The following FAM83E variants were observed in gnomAD, a reference collection of about 807,000 sequenced individuals.
The protein encoded by FAM83E is scaffolding CK1 anchoring protein E.
FAM83E carries 29 observed loss-of-function variants against 34.3 expected under a neutral mutation model. That is an observed-to-expected ratio of 0.85 (90% CI 0.63 to 1.15). The LOEUF is 1.15. FAM83E is among the 50% of genes most tolerant of loss of function. The probability of loss-of-function intolerance (pLI) is 0.00; values close to 1 mark genes in which losing one functional copy is unlikely to be tolerated. For synonymous variants in FAM83E, 312 were observed against 311.6 expected (o/e 1.00, Z -0.01); for missense variants, 697 against 685.0 (o/e 1.02, Z -0.20).
rs202196099 is a variant in FAM83E, at chr19:48,609,958, G to T, written c.676C>A (p.Arg226Ser). 2 of 1,612,982 alleles carry T rather than the reference G, an allele frequency of 1.2e-6. No individual in the cohort carries two copies. Among genetic ancestry groups the T allele is most frequent in the African/African-American group, 1.3e-5 (1 of 74,924 alleles). The change falls in exon 5 of 7, where the codon CGC becomes AGC. Residue 226 changes from arginine to serine, a missense_variant. By Grantham distance (110) the Arg-to-Ser change is moderately radical. Transcript: ENST00000263266. ...GTGCCGCTCACCTGCCGTCGCCAGC[G>T]GCTCTGGAAGCTGCAGCCCCGCACG... Reference protein sequence around the residue: ...RVVRGCSFQSRWRRQVSGTVR... With the variant: ...RVVRGCSFQSSWRRQVSGTVR...
At position 48,610,007 on chromosome 19, in the gene FAM83E, G is replaced by A; in HGVS notation, c.634-7C>T. 1.2e-6 allele frequency: 2 copies of A among 1,610,358 alleles called. No homozygotes were observed. Among genetic ancestry groups the A allele is most frequent in the Non-Finnish European group, 1.7e-6 (2 of 1,179,876 alleles). Reference sequence around the variant, plus strand: ...CGACACGGACATCCACGTTCTGTTGGTGTGGGGAGTGGAGGGTACACCCTT... The same window carrying A: ...CGACACGGACATCCACGTTCTGTTGATGTGGGGAGTGGAGGGTACACCCTT... On this transcript the variant is annotated splice_region_variant and splice_polypyrimidine_tract_variant and intron_variant, in intron 4 of 6. Coordinates refer to ENST00000263266, the MANE Select transcript of FAM83E (RefSeq NM_017708.4).
intron 3 of FAM83E, among the ~76,000 whole-genome samples, chr19:48,611,820 G>A (rs371407976): frequency 9.9e-5 from 15 of 152,142 alleles, no homozygotes; most frequent in Non-Finnish European, 1.8e-4. Context: ...GCGACACTGC[G>A]GTACCCAAAT....
At position 48,612,775 on chromosome 19, in the gene FAM83E, A is replaced by G. The variant is rs1974066542; in HGVS notation, c.465+133T>C. 6.7e-6 allele frequency: 7 copies of G among 1,038,870 alleles called. No homozygotes were observed. The Admixed American group carries it at 1.8e-4, about 26-fold the overall frequency. 64.4% of individuals were successfully genotyped at this position (1,038,870 alleles called of 1,614,324 possible). On this transcript the variant is annotated intron_variant, in intron 3 of 6. Transcript: ENST00000263266. Reference sequence around the variant, plus strand: ...TGAGTCCTGGGGCTGGAAGGTGTGCACTCCTGGGTCCCAGGGGTATAGGTC... The same window carrying G: ...TGAGTCCTGGGGCTGGAAGGTGTGCGCTCCTGGGTCCCAGGGGTATAGGTC...
chr19:48,610,796 A>C lies in FAM83E; in HGVS notation c.517T>G (p.Leu173Val), dbSNP rs552571094. 9.1e-5 allele frequency: 145 copies of C among 1,593,022 alleles called. 1 individual carries two copies. The South Asian group carries it at 1.5e-3, about 17-fold the overall frequency. ...VFTDPDLLLD[L>V]VDAATRRWVP... Reference sequence around the variant, plus strand: ...CAGCGGCGCGTGGCAGCATCCACCAAGTCCAAAAGCAGGTCTGGGTCAGTG... The same window carrying C: ...CAGCGGCGCGTGGCAGCATCCACCACGTCCAAAAGCAGGTCTGGGTCAGTG... The change falls in exon 4 of 7, where the codon TTG becomes GTG. Residue 173 changes from leucine (L) to valine (V), a missense_variant. Physicochemically the swap from Leu to Val is conservative, Grantham distance 32. Transcript: ENST00000263266.
At chr19:48,608,055 T>C (rs1463347458) in intron 5 of FAM83E, among the ~76,000 whole-genome samples, 1 of 152,224 alleles carries the variant, frequency 6.6e-6, no homozygotes, top group Non-Finnish European at 1.5e-5. Flanking sequence ...ATGCAGATTC[T>C]CAGGTCCTGT....
chr19:48,614,521 C>T lies in FAM83E; in HGVS notation c.-1149G>A, dbSNP rs1272833599. 3.0e-6 allele frequency: 3 copies of T among 985,558 alleles called. No individual in the cohort carries two copies. Among genetic ancestry groups the T allele is most frequent in the Admixed American group, 6.1e-5 (1 of 16,266 alleles). The allele number at this position is 985,558 out of a possible 1,614,324, so 61.1% of individuals were successfully genotyped here. A position where few individuals can be genotyped will look rare whatever the true frequency, so the allele number is the denominator to read the frequency against. On this transcript the variant is annotated 5_prime_UTR_variant, in exon 3 of 7. Coordinates refer to ENST00000263266, the MANE Select transcript of FAM83E (RefSeq NM_017708.4). ...AGCCTCAGTTATCCCCTTGAGGCTC[C>T]TGACCCAACCTCGGGGACCCTGGAC...
At chr19:48,603,063 A>G (rs2147639267) in intron 6 of FAM83E, among the ~76,000 whole-genome samples, 1 of 151,800 alleles carries the variant, frequency 6.6e-6, no homozygotes, top group Non-Finnish European at 1.5e-5. Flanking sequence ...TATGCTGGCC[A>G]GGCTGGTCTC....
At position 48,601,199 on chromosome 19, in the gene FAM83E, G is replaced by C. The variant is rs374545212; in HGVS notation, c.1347C>G (p.Phe449Leu). The C allele has an allele frequency of 1.9e-6, 3 of 1,612,166 alleles. No individual in the cohort carries two copies. Among genetic ancestry groups the C allele is most frequent in the Middle Eastern group, 1.6e-4 (1 of 6,076 alleles). ...GAAGTTTGAATGTAGCATCCCCACC[G>C]AACCGCCTTCGGGCTGGGGACAGAT... ...LRYLSPARRR[F>L]GGDATFKLQE... Residue 449 changes from phenylalanine (F) to leucine (L), a missense_variant, in exon 7 of 7, where the codon TTC (phenylalanine) becomes TTG (leucine). Physicochemically the swap from Phe to Leu is conservative, Grantham distance 22. Coordinates refer to ENST00000263266, the MANE Select transcript of FAM83E (RefSeq NM_017708.4).
intron 6 of FAM83E, among the ~76,000 whole-genome samples, chr19:48,601,850 G>A (rs1356889458): frequency 1.3e-5 from 2 of 148,286 alleles, no homozygotes; most frequent in African/African-American, 5.0e-5. Flanking sequence ...GAGGAGAGAG[G>A]GAGGAGAGAG....
At position 48,614,273 on chromosome 19, in the gene FAM83E, C is replaced by T. The variant is rs908451177; in HGVS notation, c.-901G>A. On this transcript the variant is annotated 5_prime_UTR_variant, in exon 3 of 7. Transcript: ENST00000263266. ...GGGACAGGTCTATGATCTTCACAGC[C>T]CATCTAGGTGTGAGTGCCACCTAAC... is the stretch of plus-strand genomic sequence containing the variant. The T allele has an allele frequency of 6.1e-6, 6 of 985,434 alleles. No individual in the cohort carries two copies. The highest frequency in any genetic ancestry group is 6.2e-5 in the Admixed American group (1 of 16,260). 61.0% of individuals were successfully genotyped at this position (985,434 alleles called of 1,614,324 possible).
At chr19:48,611,491 G>A (rs1257038503) in intron 3 of FAM83E, among the ~76,000 whole-genome samples, 1 of 150,078 alleles carries the variant, frequency 6.7e-6, no homozygotes, top group Non-Finnish European at 1.5e-5. Context: ...TTTAAAAGAC[G>A]AAGTCTTGCT....
chr19:48,609,774 A>C, intron 5 of FAM83E, 102 bp downstream of exon 5: 1 of 1,342,514 alleles, frequency 7.4e-7, no homozygotes, highest in Non-Finnish European at 1.0e-6. Context: ...ACAGATGAGA[A>C]AAGAGAGGCC....
intron 5 of FAM83E, among the ~76,000 whole-genome samples, chr19:48,609,484 T>A (rs1347184827): frequency 6.6e-6 from 1 of 152,032 alleles, no homozygotes; most frequent in African/African-American, 2.4e-5. Flanking sequence ...CGCCTCAGCC[T>A]CTCAAAGTGC....
chr19:48,614,648 T>C, intron 2 of FAM83E, 21 bp from the exon 3 acceptor site: 2 of 977,170 alleles, frequency 2.0e-6, no homozygotes, highest in Non-Finnish European at 2.4e-6. Context: ...AAGAAAGGAG[T>C]CAAGGCAGGC....
chr19:48,606,868 G>T lies in FAM83E; in HGVS notation c.759-2957C>A, dbSNP rs943190958. ...CTGACCCTGGGAGGCCAGGACCAGG[G>T]CCAAAGTCCCGTGGGCAAGAGGAGT... On this transcript the variant is annotated intron_variant, in intron 5 of 6. Coordinates refer to ENST00000263266, the MANE Select transcript of FAM83E (RefSeq NM_017708.4). 2.6e-5 allele frequency: 36 copies of T among 1,391,992 alleles called. No individual in the cohort carries two copies. In the Admixed American group the frequency reaches 9.1e-4, roughly 35 times the overall value. 86.2% of individuals were successfully genotyped at this position (1,391,992 alleles called of 1,614,324 possible). A position where few individuals can be genotyped will look rare whatever the true frequency, so the allele number is the denominator to read the frequency against.
chr19:48,610,220 G>A (rs193227319), intron 4 of FAM83E, among the ~76,000 whole-genome samples: 8 of 152,010 alleles, frequency 5.3e-5, no homozygotes, highest in East Asian at 3.9e-4. Context: ...CCAACATGGC[G>A]AAACCCCGTC....
intron 5 of FAM83E, among the ~76,000 whole-genome samples, chr19:48,608,962 C>G (rs747989009): frequency 6.6e-6 from 1 of 151,900 alleles, no homozygotes; most frequent in Admixed American, 6.6e-5. Context: ...CTGAAGATGC[C>G]GAGGAGCCTC....
intron 5 of FAM83E, among the ~76,000 whole-genome samples, chr19:48,605,033 A>AC (rs1344699873): frequency 6.6e-6 from 1 of 151,528 alleles, no homozygotes; most frequent in Non-Finnish European, 1.5e-5. Flanking sequence ...AAAAAAAAAA[A>AC]AAAAAAAAAA....
chr19:48,607,746 CTT>C (rs34786444), intron 5 of FAM83E: 35 of 154,374 alleles, frequency 2.3e-4, no homozygotes, highest in South Asian at 9.5e-4. Context: ...TTTTCTTTTC[CTT>C]TTTTTTTTTT....
Sources: gnomAD v4.1 joint callset for allele counts (sites outside exome capture counted in the v4.1 genomes callset) on GRCh38, gnomAD v4.1.1 for gene constraint, MANE v1.5 for transcripts, NCBI Gene and HGNC (gene_info 2026-07-23, HGNC 2026-07-21) for gene names.